Variants in PHIP observed in about 807,000 individuals in gnomAD.
PHIP encodes the protein PHIP subunit of CUL4-Ring ligase complex, also known as PH-interacting protein.
In PHIP, 54 loss-of-function variants were observed where a neutral mutation model predicts 236.8. That is an observed-to-expected ratio of 0.23 (90% CI 0.18 to 0.29). PHIP has a LOEUF of 0.29. Ranked by LOEUF, PHIP falls within the 10% of genes least tolerant of loss-of-function variation. PHIP has a pLI of 1.00. For missense variants in PHIP, 1,370 were observed against 2,190.8 expected, an observed-to-expected ratio of 0.63 and a Z score of 7.48; for synonymous variants, 756 against 718.9, an observed-to-expected ratio of 1.05 and a Z score of -0.83.
intron 30 of PHIP, among the ~76,000 whole-genome samples, chr6:78,962,764 C>G (rs2127698772): frequency 6.6e-6 from 1 of 152,244 alleles, no homozygotes; most frequent in Non-Finnish European, 1.5e-5. Context: ...TATAACTCAG[C>G]TTTCAATCCT....
At chr6:79,030,562 G>A (rs966729438) in intron 7 of PHIP, among the ~76,000 whole-genome samples, 2 of 152,192 alleles carry the variant, frequency 1.3e-5, no homozygotes, top group African/African-American at 4.8e-5. Flanking sequence ...TTAACCTGCT[G>A]AGGTAGTCAC....
intron 24 of PHIP, among the ~76,000 whole-genome samples, chr6:78,974,146 T>G (rs1767850349): frequency 6.6e-6 from 1 of 151,922 alleles, no homozygotes; most frequent in African/African-American, 2.4e-5. Context: ...CCTCAGCAAA[T>G]GTAAAAGAAC....
chr6:79,018,309 C>A (rs1770934775), intron 10 of PHIP, among the ~76,000 whole-genome samples: 2 of 151,844 alleles, frequency 1.3e-5, no homozygotes, highest in African/African-American at 4.8e-5. Context: ...GGCAGTGGCA[C>A]TGAACATCTA....
chr6:78,943,738 A>G (rs1022219280), intron 39 of PHIP, among the ~76,000 whole-genome samples: 8 of 151,982 alleles, frequency 5.3e-5, no homozygotes, highest in Non-Finnish European at 8.8e-5. Context: ...TGAAATCACA[A>G]TACTTTGGGA....
intron 4 of PHIP, among the ~76,000 whole-genome samples, chr6:79,062,256 C>A (rs1773414946): frequency 6.6e-6 from 1 of 152,112 alleles, no homozygotes; most frequent in African/African-American, 2.4e-5. Context: ...GCTACAGAAT[C>A]CCTTTTTTCC....
At chr6:79,049,545 T>C (rs1012623311) in intron 6 of PHIP, among the ~76,000 whole-genome samples, 2 of 152,180 alleles carry the variant, frequency 1.3e-5, no homozygotes, top group African/African-American at 4.8e-5. Flanking sequence ...CATTTTAATC[T>C]CCACCATCTG....
intron 28 of PHIP, 37 bp downstream of exon 28, chr6:78,965,908 G>C: frequency 4.8e-6 from 7 of 1,463,366 alleles, no homozygotes; most frequent in Non-Finnish European, 6.7e-6. Context: ...TTCAAAGCAA[G>C]CCTAGGTGAA....
chr6:78,997,786 T>C (rs1419065351), intron 18 of PHIP, among the ~76,000 whole-genome samples, 189 bp from the exon 19 acceptor site: 1 of 152,154 alleles, frequency 6.6e-6, no homozygotes. Flanking sequence ...GGTTATTCAG[T>C]TGATTAGATA....
intron 17 of PHIP, among the ~76,000 whole-genome samples, chr6:79,000,568 T>C (rs2127730633): frequency 6.6e-6 from 1 of 152,168 alleles, no homozygotes; most frequent in Non-Finnish European, 1.5e-5. Context: ...AAATGAGTCT[T>C]TTCCTTATTT....
rs1316580351 is a variant in PHIP at position 78,941,217 on chromosome 6, T to C, written c.4942A>G (p.Asn1648Asp). 3 of 1,613,862 alleles carry C rather than the reference T, an allele frequency of 1.9e-6. No homozygotes were observed. Among genetic ancestry groups the C allele is most frequent in the Non-Finnish European group, 2.5e-6 (3 of 1,179,854 alleles). Reference sequence around the variant, plus strand: ...TGTATAATTTCACCACTATTGGTATTAACTTCTACTTTAGGTTTCCTTCCA... The same window carrying C: ...TGTATAATTTCACCACTATTGGTATCAACTTCTACTTTAGGTTTCCTTCCA... ...GPGRKPKVEV[N>D]TNSGEIIHKK... is the part of the protein sequence containing the mutation. Residue 1648 changes from asparagine (N) to aspartate (D), a missense_variant, in exon 40 of 40, where the codon AAT becomes GAT. Transcript: ENST00000275034.
At chr6:78,967,951 G>T (rs1012789100) in intron 27 of PHIP, among the ~76,000 whole-genome samples, 4 of 151,822 alleles carry the variant, frequency 2.6e-5, no homozygotes, top group African/African-American at 9.7e-5. Context: ...TGGCTAACGC[G>T]GTGAAACCCT....
At chr6:79,019,189 T>C (rs200735301) in intron 9 of PHIP, 30 bp from the exon 10 acceptor site, 3 of 1,474,688 alleles carry the variant, frequency 2.0e-6, no homozygotes, top group East Asian at 2.3e-5. Flanking sequence ...GAATTAAAAA[T>C]ATCCTAAAGG....
At chr6:79,057,864 T>C (rs1476795535) in intron 6 of PHIP, among the ~76,000 whole-genome samples, 2 of 152,012 alleles carry the variant, frequency 1.3e-5, no homozygotes, top group African/African-American at 2.4e-5. Context: ...TGATGAATTA[T>C]TTCTCCCCAA....
intron 6 of PHIP, among the ~76,000 whole-genome samples, chr6:79,050,688 T>G (rs1161273489): frequency 6.6e-6 from 1 of 152,100 alleles, no homozygotes; most frequent in East Asian, 1.9e-4. Context: ...CTCTAAAATA[T>G]CTAAAGAGAC....
At chr6:78,955,369 C>T (rs1309823571) in intron 33 of PHIP, 87 bp from the exon 34 acceptor site, 8 of 916,798 alleles carry the variant, frequency 8.7e-6, no homozygotes, top group Non-Finnish European at 1.2e-5. Flanking sequence ...ATTTCCTTTA[C>T]ACACTGGAAC....
At chr6:78,964,438 T>A (rs1366920092) in intron 29 of PHIP, among the ~76,000 whole-genome samples, 1 of 152,152 alleles carries the variant, frequency 6.6e-6, no homozygotes, top group Non-Finnish European at 1.5e-5. Flanking sequence ...AAATTAGATG[T>A]TTTCCTTTTT....
intron 9 of PHIP, among the ~76,000 whole-genome samples, chr6:79,024,538 C>T (rs985358442): frequency 2.0e-5 from 3 of 152,150 alleles, no homozygotes; most frequent in Non-Finnish European, 4.4e-5. Flanking sequence ...GGCACGGTGG[C>T]TCATGCCTGT....
chr6:78,961,147 G>T (rs749640179), intron 31 of PHIP, among the ~76,000 whole-genome samples: 6 of 151,956 alleles, frequency 3.9e-5, no homozygotes, highest in Non-Finnish European at 8.8e-5. Context: ...CAAATTAATT[G>T]AAATTATGCC....
At chr6:79,002,193 T>C (rs1235073232) in intron 16 of PHIP, 69 bp from the exon 17 acceptor site, 3 of 1,031,728 alleles carry the variant, frequency 2.9e-6, no homozygotes, top group Non-Finnish European at 4.3e-6. Flanking sequence ...AAAGTCTACA[T>C]CATTTCTAAT....
Sources: allele counts gnomAD v4.1 joint callset (sites outside exome capture counted in the v4.1 genomes callset), GRCh38; gene constraint gnomAD v4.1.1; transcripts MANE v1.5; gene names NCBI Gene and HGNC (gene_info 2026-07-23, HGNC 2026-07-21).